CCDC171: variants seen among roughly 807,000 people sequenced by gnomAD.
CCDC171 encodes coiled-coil domain-containing protein 171.
In CCDC171, 177 loss-of-function variants were observed where a neutral mutation model predicts 168.2. The ratio of observed to expected loss-of-function variants is 1.05; its 90% CI spans 0.93 to 1.19. The LOEUF (loss-of-function observed/expected upper bound fraction) is 1.19, where lower values mean the gene tolerates loss of function less well. Among genes scored for constraint, CCDC171 ranks in the 50% most tolerant of loss-of-function variants. CCDC171 has a pLI of 0.00. For synonymous variants in CCDC171, 687 were observed against 540.8 expected (o/e 1.27, Z -3.75); for missense variants, 1,991 against 1,539.0 (o/e 1.29, Z -4.91).
intron 6 of CCDC171, among the ~76,000 whole-genome samples, chr9:15,618,416 A>G (rs1190971544): frequency 6.6e-6 from 1 of 152,196 alleles, no homozygotes; most frequent in Admixed American, 6.5e-5. Context: ...CTGTGCTGGC[A>G]GTGAGAATTT....
chr9:15,626,866 G>T (rs191780941), intron 7 of CCDC171, among the ~76,000 whole-genome samples: 1 of 152,282 alleles, frequency 6.6e-6, no homozygotes, highest in East Asian at 1.9e-4. Context: ...TTTTTCTAAT[G>T]ATTGAAATAG....
Position 15,553,121 on chromosome 9 carries a change from G to C in CCDC171, c.-293G>C, listed in dbSNP as rs2038472690. ...GCAGTTGTAAACTTCACCTCCCGGG[G>C]GCTCTTCCCCTTCTGTACCCCTTTG... On this transcript the variant is annotated 5_prime_UTR_variant, in exon 1 of 26. Coordinates refer to ENST00000380701, the MANE Select transcript of CCDC171 (RefSeq NM_173550.4). The C allele has an allele frequency of 6.6e-6, 1 of 152,508 alleles. No individual in the cohort carries two copies. The highest frequency in any genetic ancestry group is 1.5e-5 in the Non-Finnish European group (1 of 68,320). 9.4% of individuals were successfully genotyped at this position (152,508 alleles called of 1,614,324 possible). A position where few individuals can be genotyped will look rare whatever the true frequency, so the allele number is the denominator to read the frequency against.
At chr9:15,776,264 A>G (rs573788226) in intron 18 of CCDC171, 12 of 152,262 alleles carry the variant, frequency 7.9e-5, no homozygotes, top group African/African-American at 2.4e-4. Flanking sequence ...CAATTTTAGT[A>G]TATGTGCTGC....
intron 3 of CCDC171, among the ~76,000 whole-genome samples, chr9:16,007,239 A>C (rs1832730955): frequency 6.6e-6 from 1 of 152,112 alleles, no homozygotes; most frequent in Admixed American, 6.5e-5. Context: ...TCTTTTGAGT[A>C]GTGTCTGTTC....
At chr9:15,944,126 G>C (rs1358028628) in intron 25 of CCDC171, among the ~76,000 whole-genome samples, 1 of 151,944 alleles carries the variant, frequency 6.6e-6, no homozygotes, top group Non-Finnish European at 1.5e-5. Context: ...TACCCTTACA[G>C]GTTTTTTTGT....
chr9:15,767,947 C>T, intron 18 of CCDC171, among the ~76,000 whole-genome samples: 1 of 148,856 alleles, frequency 6.7e-6, no homozygotes, highest in African/African-American at 2.5e-5. Flanking sequence ...GTTGTCCAGG[C>T]TGGTCTTGAA....
intron 18 of CCDC171, among the ~76,000 whole-genome samples, chr9:15,760,500 T>C (rs1411403619): frequency 6.6e-6 from 1 of 152,212 alleles, no homozygotes; most frequent in Non-Finnish European, 1.5e-5. Context: ...GGCAAATTAC[T>C]TAATCTCATT....
In CCDC171 at chr9:15,563,982, CA is replaced by C. The variant is rs1474930844; in HGVS notation, c.-104del. ...TATCATTTACTATTTTAACAGACCT[CA>C]AATCATCTAACGTGAAGCCACAGAC... On this transcript the variant is annotated 5_prime_UTR_variant, in exon 2 of 26. Coordinates refer to ENST00000380701, the MANE Select transcript of CCDC171 (RefSeq NM_173550.4). 3.7e-6 allele frequency: 3 copies of C among 804,986 alleles called. No individual in the cohort carries two copies. In the African/African-American group the frequency reaches 5.2e-5, roughly 14 times the overall value. The allele number at this position is 804,986 out of a possible 1,614,324, so 49.9% of individuals were successfully genotyped here. A position where few individuals can be genotyped will look rare whatever the true frequency, so the allele number is the denominator to read the frequency against.
intron 1 of CCDC171, among the ~76,000 whole-genome samples, chr9:15,560,317 G>A (rs1016944791): frequency 6.6e-6 from 1 of 152,174 alleles, no homozygotes; most frequent in Non-Finnish European, 1.5e-5. Context: ...ATATCCTGAA[G>A]GGTGTTTTCC....
intron 11 of CCDC171, among the ~76,000 whole-genome samples, chr9:15,698,259 C>G (rs957991238): frequency 2.0e-5 from 3 of 152,078 alleles, no homozygotes; most frequent in Non-Finnish European, 4.4e-5. Context: ...CGGTGGCTCA[C>G]GCCTGTAATC....
At chr9:15,827,280 A>T (rs905526983) in intron 21 of CCDC171, among the ~76,000 whole-genome samples, 5 of 152,128 alleles carry the variant, frequency 3.3e-5, no homozygotes, top group Non-Finnish European at 7.4e-5. Flanking sequence ...AAGGGGGGAC[A>T]TGTGGGTGTG....
intron 25 of CCDC171, among the ~76,000 whole-genome samples, chr9:15,958,735 G>A (rs774516178): frequency 2.6e-5 from 4 of 151,996 alleles, no homozygotes; most frequent in Non-Finnish European, 5.9e-5. Flanking sequence ...TCAGCATTTT[G>A]ATTAGTACAG....
At chr9:15,663,622 T>C (rs1157718096) in intron 8 of CCDC171, among the ~76,000 whole-genome samples, 2 of 151,114 alleles carry the variant, frequency 1.3e-5, no homozygotes, top group East Asian at 3.9e-4. Context: ...TTTTTTTTTT[T>C]TGAGAGGGAG....
At chr9:16,107,090 C>T in the CCDC171 span, among the ~76,000 whole-genome samples, 2 of 152,278 alleles carry the variant, frequency 1.3e-5, no homozygotes, top group Admixed American at 6.5e-5. Context: ...TGTTTCTCAA[C>T]CCTTTTCTGA....
intron 24 of CCDC171, among the ~76,000 whole-genome samples, chr9:15,917,982 T>C (rs865906321): frequency 9.9e-5 from 15 of 151,864 alleles, no homozygotes; most frequent in Middle Eastern, 6.8e-3. Context: ...GTAATAATAC[T>C]ACAATGAAAT....
At chr9:15,554,262 C>T (rs919570792) in intron 1 of CCDC171, among the ~76,000 whole-genome samples, 3 of 152,172 alleles carry the variant, frequency 2.0e-5, no homozygotes, top group African/African-American at 4.8e-5. Context: ...CATCGTGATC[C>T]GCCCGCCTCG....
chr9:15,650,000 A>T (rs2047378306), intron 7 of CCDC171, among the ~76,000 whole-genome samples: 1 of 152,180 alleles, frequency 6.6e-6, no homozygotes, highest in Non-Finnish European at 1.5e-5. Context: ...GAACCAACCC[A>T]AATGTCCAAC....
At chr9:16,087,326 G>C in the CCDC171 span, among the ~76,000 whole-genome samples, 2 of 152,062 alleles carry the variant, frequency 1.3e-5, no homozygotes, top group Admixed American at 1.3e-4. Context: ...TATTGACAGT[G>C]GGGTGTTAAA....
intron 2 of CCDC171, among the ~76,000 whole-genome samples, chr9:15,566,350 G>T (rs933593747): frequency 6.6e-6 from 1 of 152,022 alleles, no homozygotes; most frequent in Non-Finnish European, 1.5e-5. Flanking sequence ...TTGAGCCCAG[G>T]AGTTCGAGAC....
Sources: allele counts gnomAD v4.1 joint callset (sites outside exome capture counted in the v4.1 genomes callset), GRCh38; gene constraint gnomAD v4.1.1; transcripts MANE v1.5; gene names NCBI Gene and HGNC (gene_info 2026-07-23, HGNC 2026-07-21).